The following SAMD14 variants were observed in gnomAD, a reference collection of about 807,000 sequenced individuals.
SAMD14 encodes sterile alpha motif domain containing 14, also known as sterile alpha motif domain-containing protein 14.
Under a neutral mutation model 46.2 loss-of-function variants are expected in SAMD14, and 27 were observed. The ratio of observed to expected loss-of-function variants is 0.58; its 90% CI spans 0.43 to 0.81. SAMD14 has a LOEUF of 0.81. Ranked by LOEUF, SAMD14 falls within the 30% of genes least tolerant of loss-of-function variation. The pLI is 0.00. For missense variants in SAMD14, 559 were observed against 582.2 expected, an observed-to-expected ratio of 0.96 and a Z score of 0.41; for synonymous variants, 241 against 254.3, an observed-to-expected ratio of 0.95 and a Z score of 0.50.
At chr17:50,124,064 G>C (rs929660284) in intron 2 of SAMD14, 1 of 455,998 alleles carries the variant, frequency 2.2e-6, no homozygotes, top group Non-Finnish European at 4.4e-6. Context: ...GGAGCCCCTC[G>C]AGGAGCAGGC....
rs1367886573 is a variant in SAMD14 at position 50,129,049 on chromosome 17, C to G, written c.-13+468G>C. On this transcript the variant is annotated intron_variant, in intron 1 of 9. Transcript: ENST00000330175. This position sits in a 1 kb window ranked among gnomAD's most constrained non-coding sequence, Gnocchi z 5.6. The stretch of plus-strand genomic sequence containing the variant: ...TTGTGGAGCCAGAGAGGTGGTCCCC[C>G]CTTCCCATATCGCCGGCCGTCCACT... Among the ~76,000 whole-genome samples the G allele has an allele frequency of 6.6e-6, 1 of 152,152 alleles. No homozygotes were observed. The highest frequency in any genetic ancestry group is 1.9e-4 in the East Asian group (1 of 5,186).
At chr17:50,124,007 G>A (rs754980852) in intron 2 of SAMD14, 1 of 445,152 alleles carries the variant, frequency 2.2e-6, no homozygotes, top group Non-Finnish European at 4.6e-6. Context: ...CCAGGGGAGA[G>A]AGGGAAGAAG....
intron 4 of SAMD14, 161 bp from the exon 5 acceptor site, chr17:50,116,251 T>G: frequency 9.1e-7 from 1 of 1,093,414 alleles, no homozygotes; most frequent in Non-Finnish European, 1.3e-6. Context: ...ACTTTACCTC[T>G]CTGGCCTTCC....
chr17:50,128,486 AC>A (rs1911883300), intron 1 of SAMD14, among the ~76,000 whole-genome samples: 1 of 141,524 alleles, frequency 7.1e-6, no homozygotes, highest in Non-Finnish European at 1.5e-5. Context: ...ACTCTCTCAC[AC>A]ACACACACAC....
chr17:50,125,242 G>C, intron 1 of SAMD14: 1 of 444,292 alleles, frequency 2.3e-6, no homozygotes, highest in Non-Finnish European at 4.1e-6. Context: ...TGGTATCCTG[G>C]TCCACTGATT....
At position 50,112,635 on chromosome 17, in the gene SAMD14, A is replaced by G; in HGVS notation, c.*258T>C. On this transcript the variant is annotated 3_prime_UTR_variant, in exon 10 of 10. Coordinates refer to ENST00000330175, the MANE Select transcript of SAMD14 (RefSeq NM_001257359.2). ...CTGGCCTCTCTGCCCTCTCCCCTTC[A>G]TCTGCTCCTCCCCCAGGAACTCTGT... The G allele has an allele frequency of 2.6e-6, 1 of 387,264 alleles. No homozygotes were observed. The highest frequency in any genetic ancestry group is 4.6e-6 in the Non-Finnish European group (1 of 216,108). 24.0% of individuals were successfully genotyped at this position (387,264 alleles called of 1,614,324 possible).
At chr17:50,113,269 G>T in intron 9 of SAMD14, 1 of 548,958 alleles carries the variant, frequency 1.8e-6, no homozygotes, top group Admixed American at 3.3e-5. Context: ...GGGGGTATTA[G>T]GCGCTTCCTC....
At chr17:50,128,040 G>A (rs1308192901) in intron 1 of SAMD14, among the ~76,000 whole-genome samples, 1 of 152,174 alleles carries the variant, frequency 6.6e-6, no homozygotes, top group Non-Finnish European at 1.5e-5. Flanking sequence ...AGAGAAGAAA[G>A]GGTCCACGTA....
rs1598217622 is a variant in SAMD14, at chr17:50,110,442, A to C, written c.*2451T>G. Reference sequence around the variant, plus strand: ...CCAGGGGTACTGGGTCCCCCTCAGCACCCTCCACAGCACAGGCCTTCCAAG... The same window carrying C: ...CCAGGGGTACTGGGTCCCCCTCAGCCCCCTCCACAGCACAGGCCTTCCAAG... On this transcript the variant is annotated 3_prime_UTR_variant, in exon 10 of 10. Coordinates refer to ENST00000330175, the MANE Select transcript of SAMD14 (RefSeq NM_001257359.2). 5.2e-6 allele frequency: 1 copy of C among 190,580 alleles called. No homozygotes were observed. The highest frequency in any genetic ancestry group is 1.1e-5 in the Non-Finnish European group (1 of 92,718). The allele number at this position is 190,580 out of a possible 1,614,324, so 11.8% of individuals were successfully genotyped here.
rs1312136203 is a variant in SAMD14, at chr17:50,112,270, G to C, written c.*623C>G. 2.0e-5 allele frequency: 3 copies of C among 152,002 alleles called. No individual in the cohort carries two copies. The highest frequency in any genetic ancestry group is 7.3e-5 in the African/African-American group (3 of 41,334). 9.4% of individuals were successfully genotyped at this position (152,002 alleles called of 1,614,324 possible). A position where few individuals can be genotyped will look rare whatever the true frequency, so the allele number is the denominator to read the frequency against. The stretch of plus-strand genomic sequence containing the variant: ...GTTCATCCTCCCCTCTTGAGTCCTG[G>C]CAAAGACTGCACTCGCCCCAGGCTG... On this transcript the variant is annotated 3_prime_UTR_variant, in exon 10 of 10. Coordinates refer to ENST00000330175, the MANE Select transcript of SAMD14 (RefSeq NM_001257359.2).
At chr17:50,121,978 C>T (rs1429940833) in intron 2 of SAMD14, among the ~76,000 whole-genome samples, 1 of 152,254 alleles carries the variant, frequency 6.6e-6, no homozygotes, top group Non-Finnish European at 1.5e-5. Context: ...ATATACAGTA[C>T]TTTGCCATAA....
chr17:50,117,690 GGTCACCT>G lies in SAMD14; in HGVS notation c.211-2_215del. 2.1e-6 allele frequency: 3 copies of G among 1,452,678 alleles called. No individual in the cohort carries two copies. Among genetic ancestry groups the G allele is most frequent in the Non-Finnish European group, 2.7e-6 (3 of 1,108,804 alleles). 90.0% of individuals were successfully genotyped at this position (1,452,678 alleles called of 1,614,324 possible). A position where few individuals can be genotyped will look rare whatever the true frequency, so the allele number is the denominator to read the frequency against. On this transcript the variant is annotated splice_acceptor_variant and coding_sequence_variant, in exon 4 of 10. Transcript: ENST00000330175. LOFTEE classifies it high-confidence loss of function. ...GGTGCAGGGGGCTCCCGCAGCCATCGGTCACCTGGACGAGGGGGCAGCCGCTCACCGA... is the reference window on the plus strand; with the variant it reads ...GGTGCAGGGGGCTCCCGCAGCCATCGGGACGAGGGGGCAGCCGCTCACCGA...
intron 4 of SAMD14, among the ~76,000 whole-genome samples, chr17:50,116,546 C>T (rs1268810070): frequency 6.6e-6 from 1 of 151,838 alleles, no homozygotes; most frequent in African/African-American, 2.4e-5. Flanking sequence ...GCTGGGATTA[C>T]AGGCGCCCGC....
rs890580877 is a variant in SAMD14 at position 50,127,635 on chromosome 17, A to G, written c.-13+1882T>C. ...AAACAAAAAACAAAACCACCTCCAG[A>G]TTCCATAAATGCCTGGGGCTGAAAG... On this transcript the variant is annotated intron_variant, in intron 1 of 9. Transcript: ENST00000330175. Among the ~76,000 whole-genome samples, 5 of 152,096 alleles carry G rather than the reference A, an allele frequency of 3.3e-5. No individual in the cohort carries two copies. In the East Asian group the frequency reaches 7.7e-4, roughly 23 times the overall value.
chr17:50,114,567 C>CTTTTTTTTTTT, intron 7 of SAMD14: 20 of 814,666 alleles, frequency 2.5e-5, no homozygotes, highest in African/African-American at 8.6e-5. Flanking sequence ...CGGTCTCAGG[C>CTTTTTTTTTTT]AAGGTGTCAC....
At chr17:50,126,697 G>A (rs1911791155) in intron 1 of SAMD14, among the ~76,000 whole-genome samples, 1 of 152,190 alleles carries the variant, frequency 6.6e-6, no homozygotes, top group South Asian at 2.1e-4. Context: ...GCCAGGCAAA[G>A]TTGGTGCATG....
chr17:50,128,081 A>G (rs1598237783), intron 1 of SAMD14, among the ~76,000 whole-genome samples: 1 of 152,202 alleles, frequency 6.6e-6, no homozygotes. Flanking sequence ...CTGTGAAGAC[A>G]GGAACTGCCT....
Position 50,116,046 on chromosome 17 carries a change from T to C in SAMD14, c.544A>G (p.Ile182Val). The change falls in exon 5 of 10, where the codon ATC (isoleucine) becomes GTC (valine). Residue 182 changes from isoleucine to valine, a missense_variant. Physicochemically the swap from Ile to Val is conservative, Grantham distance 29. Transcript: ENST00000330175. ...ASPPEPASPT[I>V]GLDKKTRRKF... ...CGGCGAGTCTTCTTATCGAGGCCGA[T>C]GGTGGGGCTGGCGGGCTCAGGAGGA... 1.2e-6 allele frequency: 2 copies of C among 1,613,978 alleles called. No homozygotes were observed. Among genetic ancestry groups the C allele is most frequent in the Non-Finnish European group, 1.7e-6 (2 of 1,179,898 alleles).
intron 1 of SAMD14, among the ~76,000 whole-genome samples, chr17:50,128,819 C>T (rs114234118): frequency 0.017 from 2,512 of 152,200 alleles, 65 homozygotes; most frequent in African/African-American, 0.057. Context: ...AGAGATCACA[C>T]CGAGAGTGGG....
Sources: allele counts gnomAD v4.1 joint callset (sites outside exome capture counted in the v4.1 genomes callset), GRCh38; gene constraint gnomAD v4.1.1; non-coding constraint Gnocchi (gnomAD v3.1); transcripts MANE v1.5; gene names NCBI Gene and HGNC (gene_info 2026-07-23, HGNC 2026-07-21).